Variants in CAST observed in about 807,000 individuals in gnomAD.
The protein encoded by CAST is MIR583 host.
CAST carries 76 observed loss-of-function variants against 119.6 expected under a neutral mutation model. That is an observed-to-expected ratio of 0.64 (90% CI 0.53 to 0.77). CAST has a LOEUF of 0.77. CAST is among the 30% of genes least tolerant of loss of function. The probability of loss-of-function intolerance (pLI) is 0.00; values close to 1 mark genes in which losing one functional copy is unlikely to be tolerated. For synonymous variants in CAST, 319 were observed against 331.6 expected (o/e 0.96, Z 0.41); for missense variants, 953 against 946.5 (o/e 1.01, Z -0.09).
chr5:96,667,022 C>A (rs1749431366), intron 1 of CAST, among the ~76,000 whole-genome samples: 1 of 151,974 alleles, frequency 6.6e-6, no homozygotes, highest in South Asian at 2.1e-4. Context: ...TGAAAACATA[C>A]CCAGAAAGCT....
At chr5:96,601,000 C>T (rs952811389) in intron 1 of CAST, among the ~76,000 whole-genome samples, 3 of 152,064 alleles carry the variant, frequency 2.0e-5, no homozygotes, top group East Asian at 1.9e-4. Context: ...TTCTGGTTTA[C>T]GAACCTACCT....
chr5:96,653,101 C>A (rs1449982514), intron 1 of CAST, among the ~76,000 whole-genome samples: 16 of 152,328 alleles, frequency 1.1e-4, no homozygotes, highest in African/African-American at 2.6e-4. Context: ...TGATTGCCTT[C>A]ATATTTTCTC....
At chr5:96,248,808 C>T in the CAST span, among the ~76,000 whole-genome samples, 3 of 152,222 alleles carry the variant, frequency 2.0e-5, no homozygotes, top group South Asian at 2.1e-4. Flanking sequence ...TTACAAAAGA[C>T]GTGTTTTGTT....
At chr5:96,568,400 A>G (rs1746511030) in intron 1 of CAST, among the ~76,000 whole-genome samples, 1 of 151,992 alleles carries the variant, frequency 6.6e-6, no homozygotes, top group South Asian at 2.1e-4. Context: ...CCTTATCTCT[A>G]TTAAAAATAC....
chr5:96,056,007 C>T, the CAST span, among the ~76,000 whole-genome samples: 9 of 152,034 alleles, frequency 5.9e-5, no homozygotes, highest in Non-Finnish European at 1.0e-4. Context: ...TTTTCTACCC[C>T]CAAAACACCC....
At chr5:96,706,471 T>C (rs1042833300) in intron 3 of CAST, among the ~76,000 whole-genome samples, 12 of 151,968 alleles carry the variant, frequency 7.9e-5, no homozygotes, top group African/African-American at 2.9e-4. Flanking sequence ...AGGAAGAGGG[T>C]TGAGGTTAAG....
the CAST span, among the ~76,000 whole-genome samples, chr5:96,076,856 TAATG>T: frequency 2.0e-5 from 3 of 151,998 alleles, no homozygotes; most frequent in Admixed American, 2.0e-4. Context: ...ATATCAATAA[TAATG>T]TAAGCAAACA....
At chr5:96,378,849 T>A in the CAST span, among the ~76,000 whole-genome samples, 1 of 152,254 alleles carries the variant, frequency 6.6e-6, no homozygotes, top group Non-Finnish European at 1.5e-5. Flanking sequence ...TATTTAAAAA[T>A]TTTATGTTGG....
At chr5:96,230,750 G>A in the CAST span, among the ~76,000 whole-genome samples, 2 of 152,100 alleles carry the variant, frequency 1.3e-5, no homozygotes, top group Non-Finnish European at 2.9e-5. Flanking sequence ...TGACATATGT[G>A]AAAATGGGCT....
the CAST span, among the ~76,000 whole-genome samples, chr5:96,311,066 G>A: frequency 2.0e-4 from 30 of 151,802 alleles, no homozygotes; most frequent in African/African-American, 6.7e-4. Flanking sequence ...GGCATTTATT[G>A]CTATGAAGTT....
chr5:96,626,025 C>T (rs1325544656), intron 1 of CAST, among the ~76,000 whole-genome samples: 1 of 152,212 alleles, frequency 6.6e-6, no homozygotes, highest in Non-Finnish European at 1.5e-5. Flanking sequence ...AGTCTGAAGG[C>T]CGTGTCCGCC....
chr5:96,220,419 A>G, the CAST span, among the ~76,000 whole-genome samples: 2 of 152,222 alleles, frequency 1.3e-5, no homozygotes, highest in African/African-American at 4.8e-5. Flanking sequence ...TAACATGACC[A>G]TGGTAAAGAA....
At chr5:96,365,963 T>C in the CAST span, among the ~76,000 whole-genome samples, 1 of 152,234 alleles carries the variant, frequency 6.6e-6, no homozygotes, top group South Asian at 2.1e-4. Context: ...CAGTGGCTGG[T>C]ACCAGTTGTT....
intron 1 of CAST, among the ~76,000 whole-genome samples, chr5:96,620,651 G>C (rs1264151400): frequency 6.6e-6 from 1 of 152,106 alleles, no homozygotes; most frequent in Non-Finnish European, 1.5e-5. Context: ...TATTTATCAA[G>C]ACATAACCTC....
chr5:96,031,328 A>G, the CAST span, among the ~76,000 whole-genome samples: 1 of 151,676 alleles, frequency 6.6e-6, no homozygotes, highest in Non-Finnish European at 1.5e-5. Flanking sequence ...TCTGGTGGTA[A>G]TTAACAGATG....
intron 1 of CAST, among the ~76,000 whole-genome samples, chr5:96,612,403 G>T (rs1343067974): frequency 6.6e-6 from 1 of 152,076 alleles, no homozygotes; most frequent in African/African-American, 2.4e-5. Flanking sequence ...CATAAGATGG[G>T]AACAATAACA....
chr5:96,768,301 C>T, intron 29 of CAST: 1 of 410,964 alleles, frequency 2.4e-6, no homozygotes, highest in Non-Finnish European at 4.6e-6. Context: ...CCAGGCTGGT[C>T]TCGAGCTCTT....
the CAST span, among the ~76,000 whole-genome samples, chr5:96,286,162 T>A: frequency 6.6e-6 from 1 of 152,324 alleles, no homozygotes; most frequent in East Asian, 1.9e-4. Context: ...ATCAAGGTAA[T>A]GGAATTCAAA....
intron 16 of CAST, among the ~76,000 whole-genome samples, chr5:96,744,401 CA>C (rs1763317830): frequency 1.3e-5 from 2 of 152,154 alleles, no homozygotes; most frequent in African/African-American, 4.8e-5. Context: ...AGAGCATGTG[CA>C]GGGGAACTCC....
Sources: allele counts gnomAD v4.1 joint callset (sites outside exome capture counted in the v4.1 genomes callset), GRCh38; gene constraint gnomAD v4.1.1; transcripts MANE v1.5; gene names NCBI Gene and HGNC (gene_info 2026-07-23, HGNC 2026-07-21).